TMEM63C: variants seen among roughly 807,000 people sequenced by gnomAD.
TMEM63C encodes transmembrane protein 63C.
Under a neutral mutation model 99.2 loss-of-function variants are expected in TMEM63C, and 32 were observed. The observed-to-expected ratio is 0.32, with a 90% CI of 0.24 to 0.43. The LOEUF is 0.43. TMEM63C is among the 20% of genes least tolerant of loss of function. The pLI is 1.00. For synonymous variants in TMEM63C, 376 were observed against 397.9 expected (o/e 0.94, Z 0.66); for missense variants, 826 against 1,053.0 (o/e 0.78, Z 2.98).
At chr14:77,206,472 T>C (rs530065380) in intron 1 of TMEM63C, among the ~76,000 whole-genome samples, 1 of 152,344 alleles carries the variant, frequency 6.6e-6, no homozygotes, top group African/African-American at 2.4e-5. Flanking sequence ...GCTTCGATGA[T>C]GCACCACCTT....
At chr14:77,254,742 C>T (rs570817978) in intron 23 of TMEM63C, among the ~76,000 whole-genome samples, 5 of 152,218 alleles carry the variant, frequency 3.3e-5, no homozygotes, top group Admixed American at 6.5e-5. Context: ...TTAAAAAACA[C>T]GACTAGGATT....
chr14:77,242,609 A>C, intron 14 of TMEM63C, 140 bp downstream of exon 14: 3 of 1,223,568 alleles, frequency 2.5e-6, no homozygotes, highest in Non-Finnish European at 1.1e-6. Flanking sequence ...TAAGCACCAC[A>C]ACCTGTGTGT....
chr14:77,251,778 C>T lies in TMEM63C; in HGVS notation c.2039-11C>T, dbSNP rs1481612940. ...AGACTCCTGCCCATGACTTTTTCTC[C>T]TCCTCGGCAGGTTCTCTCCACGCCA... is the stretch of plus-strand genomic sequence containing the variant. On this transcript the variant is annotated splice_polypyrimidine_tract_variant and intron_variant, in intron 21 of 23. Coordinates refer to ENST00000298351, the MANE Select transcript of TMEM63C (RefSeq NM_020431.4). The T allele has an allele frequency of 6.2e-7, 1 of 1,609,930 alleles. No individual in the cohort carries two copies. Among genetic ancestry groups the T allele is most frequent in the Non-Finnish European group, 8.5e-7 (1 of 1,176,330 alleles).
intron 1 of TMEM63C, among the ~76,000 whole-genome samples, chr14:77,202,024 C>T (rs576416353): frequency 5.1e-4 from 78 of 152,326 alleles, no homozygotes; most frequent in African/African-American, 1.8e-3. Context: ...CTGCCATTGC[C>T]CAGCATCCCT....
rs1889130564 is a variant in TMEM63C at position 77,239,709 on chromosome 14, T to C, written c.913T>C (p.Trp305Arg). The change falls in exon 12 of 24, where the codon TGG becomes CGG. Residue 305 changes from tryptophan to arginine, a missense_variant. Coordinates refer to ENST00000298351, the MANE Select transcript of TMEM63C (RefSeq NM_020431.4). ...PCARLCFCKCWTCFKEVDAEQ... is the reference protein window; with the variant it reads ...PCARLCFCKCRTCFKEVDAEQ... ...TGCCCGCCTGTGCTTCTGCAAGTGCTGGACCTGCTTCAAGGAGGTAACTGG... is the reference window on the plus strand; with the variant it reads ...TGCCCGCCTGTGCTTCTGCAAGTGCCGGACCTGCTTCAAGGAGGTAACTGG... 1 of 1,613,142 alleles carries C rather than the reference T, an allele frequency of 6.2e-7. No homozygotes were observed. Among genetic ancestry groups the C allele is most frequent in the Admixed American group, 1.7e-5 (1 of 59,932 alleles).
At chr14:77,214,722 A>C (rs1888550689) in intron 2 of TMEM63C, among the ~76,000 whole-genome samples, 1 of 150,570 alleles carries the variant, frequency 6.6e-6, no homozygotes, top group Admixed American at 6.6e-5. Context: ...CAATGTCCAC[A>C]TCTCCACAAA....
At chr14:77,246,492 C>G in intron 17 of TMEM63C, 117 bp from the exon 18 acceptor site, 1 of 883,938 alleles carries the variant, frequency 1.1e-6, no homozygotes, top group Non-Finnish European at 1.8e-6. Flanking sequence ...TGTGGACTGG[C>G]CAGCTGGAAT....
intron 2 of TMEM63C, among the ~76,000 whole-genome samples, chr14:77,213,851 C>T (rs149874611): frequency 6.6e-6 from 1 of 152,264 alleles, no homozygotes; most frequent in African/African-American, 2.4e-5. Flanking sequence ...CTAGGCAGAG[C>T]TCGATGGAGC....
chr14:77,256,651 G>A lies in TMEM63C; in HGVS notation c.2346G>A (p.Arg782=), dbSNP rs373975287. ...AGGGAGAAGAAGAGAGTGGTCTGAG[G>A]GGCTTTGCGAGGGAGCTAGACTCGG... The part of the protein sequence containing the change: ...PEEGEEESGL[R]GFARELDSAQ... Residue 782 remains arginine (R), a synonymous_variant, in exon 24 of 24, where the codon AGG becomes AGA. Coordinates refer to ENST00000298351, the MANE Select transcript of TMEM63C (RefSeq NM_020431.4). 2.1e-4 allele frequency: 344 copies of A among 1,613,902 alleles called. No homozygotes were observed. Among genetic ancestry groups the A allele is most frequent in the Middle Eastern group, 8.2e-4 (5 of 6,084 alleles).
At position 77,225,693 on chromosome 14, in the gene TMEM63C, G is replaced by A. The variant is rs144114696; in HGVS notation, c.350+232G>A. Among the ~76,000 whole-genome samples the A allele has an allele frequency of 6.6e-3, 1,000 of 152,310 alleles. 15 individuals are homozygous for A. Among genetic ancestry groups the A allele is most frequent in the African/African-American group, 0.022 (917 of 41,560 alleles). Reference sequence around the variant, plus strand: ...TATCTCTGCCTCAGTCCTTAGGGAAGGACCACTTTTAATAGCTGAATCATT... The same window carrying A: ...TATCTCTGCCTCAGTCCTTAGGGAAAGACCACTTTTAATAGCTGAATCATT... On this transcript the variant is annotated intron_variant, in intron 6 of 23. Coordinates refer to ENST00000298351, the MANE Select transcript of TMEM63C (RefSeq NM_020431.4).
intron 1 of TMEM63C, among the ~76,000 whole-genome samples, chr14:77,190,440 G>A (rs1888085545): frequency 6.6e-6 from 1 of 151,928 alleles, no homozygotes; most frequent in Non-Finnish European, 1.5e-5. Context: ...CGAACAACAT[G>A]GATACCAAAC....
rs186309429 is a variant in TMEM63C at position 77,199,482 on chromosome 14, C to T, written c.-76-13964C>T. 4.4e-3 allele frequency among the ~76,000 whole-genome samples: 675 copies of T among 152,314 alleles called. 9 individuals are homozygous for T. Among genetic ancestry groups the T allele is most frequent in the African/African-American group, 0.016 (650 of 41,546 alleles). On this transcript the variant is annotated intron_variant, in intron 1 of 23. Coordinates refer to ENST00000298351, the MANE Select transcript of TMEM63C (RefSeq NM_020431.4). The stretch of plus-strand genomic sequence containing the variant: ...AGCCAAGCTAGTCTGCCTGCCATTT[C>T]CAGAACAGTCCACTCTCTGTTTCCC...
At chr14:77,233,340 G>T (rs375409346) in intron 7 of TMEM63C, 112 bp from the exon 8 acceptor site, 3 of 1,100,182 alleles carry the variant, frequency 2.7e-6, no homozygotes, top group Non-Finnish European at 4.0e-6. Context: ...AGGAAGAGGA[G>T]GTCAAAGGCA....
intron 1 of TMEM63C, among the ~76,000 whole-genome samples, chr14:77,198,867 C>T (rs566705018): frequency 7.6e-4 from 115 of 152,264 alleles, no homozygotes; most frequent in Admixed American, 1.8e-3. Flanking sequence ...GGGGGCAAAC[C>T]AGAGCATGCT....
chr14:77,190,485 T>TA (rs1238299519), intron 1 of TMEM63C, among the ~76,000 whole-genome samples: 1 of 152,038 alleles, frequency 6.6e-6, no homozygotes, highest in Non-Finnish European at 1.5e-5. Context: ...GAAAAATAAC[T>TA]AAAAAATCTT....
intron 8 of TMEM63C, among the ~76,000 whole-genome samples, chr14:77,234,117 A>G (rs1888994486): frequency 6.6e-6 from 1 of 152,170 alleles, no homozygotes; most frequent in Non-Finnish European, 1.5e-5. Context: ...ATTTGCCCCG[A>G]GCCAAATGTG....
At chr14:77,211,186 C>G (rs530008808) in intron 1 of TMEM63C, among the ~76,000 whole-genome samples, 1 of 152,348 alleles carries the variant, frequency 6.6e-6, no homozygotes, top group African/African-American at 2.4e-5. Context: ...CCTCTGCCCC[C>G]TGCTCAGCAT....
intron 1 of TMEM63C, among the ~76,000 whole-genome samples, chr14:77,206,889 TTA>T (rs201139233): frequency 0.036 from 5,313 of 146,338 alleles, 162 homozygotes; most frequent in African/African-American, 0.096. Context: ...TTTTTTTCTT[TTA>T]TTTTTTTTTA....
At chr14:77,202,167 A>G (rs772864097) in intron 1 of TMEM63C, among the ~76,000 whole-genome samples, 1 of 152,238 alleles carries the variant, frequency 6.6e-6, no homozygotes, top group African/African-American at 2.4e-5. Context: ...TATACAACTC[A>G]ACATGCACAC....
Sources: gnomAD v4.1 joint callset for allele counts (sites outside exome capture counted in the v4.1 genomes callset) on GRCh38, gnomAD v4.1.1 for gene constraint, MANE v1.5 for transcripts, NCBI Gene and HGNC (gene_info 2026-07-23, HGNC 2026-07-21) for gene names.